Variants in DGKI observed in about 807,000 individuals in gnomAD.
DGKI encodes diacylglycerol kinase iota, also known as DAG kinase iota.
In DGKI, 55 loss-of-function variants were observed where a neutral mutation model predicts 147.5. The ratio of observed to expected loss-of-function variants is 0.37; its 90% CI spans 0.30 to 0.47. DGKI has a LOEUF of 0.47. Among genes scored for constraint, DGKI ranks in the 20% least tolerant of loss-of-function variants. DGKI has a pLI of 1.00. For synonymous variants in DGKI, 469 were observed against 477.1 expected, an observed-to-expected ratio of 0.98 and a Z score of 0.22; for missense variants, 1,007 against 1,323.8, an observed-to-expected ratio of 0.76 and a Z score of 3.71.
At chr7:137,828,089 C>T (rs990355444) in intron 1 of DGKI, among the ~76,000 whole-genome samples, 1 of 152,222 alleles carries the variant, frequency 6.6e-6, no homozygotes, top group African/African-American at 2.4e-5. Context: ...AGCCTGTAGA[C>T]AGGTCAATGT....
At chr7:137,462,823 C>T (rs530651778) in intron 27 of DGKI, among the ~76,000 whole-genome samples, 1 of 152,250 alleles carries the variant, frequency 6.6e-6, no homozygotes, top group South Asian at 2.1e-4. Flanking sequence ...TATCTGTCAC[C>T]AGAGGAGATG....
intron 21 of DGKI, among the ~76,000 whole-genome samples, chr7:137,508,441 T>A (rs1264393432): frequency 6.6e-6 from 1 of 152,014 alleles, no homozygotes; most frequent in East Asian, 1.9e-4. Flanking sequence ...TTAGCCAGGA[T>A]GGTCTTGATC....
chr7:137,485,757 T>C (rs1328260567), intron 22 of DGKI, among the ~76,000 whole-genome samples: 1 of 152,108 alleles, frequency 6.6e-6, no homozygotes, highest in African/African-American at 2.4e-5. Context: ...ATATTTAATG[T>C]GCATATAAAC....
intron 3 of DGKI, among the ~76,000 whole-genome samples, chr7:137,663,509 T>C (rs1340084583): frequency 6.6e-6 from 1 of 152,250 alleles, no homozygotes; most frequent in East Asian, 1.9e-4. Context: ...TGAAAAGGCA[T>C]GGAGACCTGC....
rs148273334 is a variant in DGKI at position 137,462,759 on chromosome 7, A to G, written c.2735+730T>C. Among the ~76,000 whole-genome samples, 114 of 152,334 alleles carry G rather than the reference A, an allele frequency of 7.5e-4. 1 individual carries two copies. Among genetic ancestry groups the G allele is most frequent in the African/African-American group, 1.9e-3 (81 of 41,566 alleles). On this transcript the variant is annotated intron_variant, in intron 27 of 32. Transcript: ENST00000614521. ...TTTCATGAACACACTGGATTTGCATAACCTCTGAGATGGATTGATTGGCCT... is the reference window on the plus strand; with the variant it reads ...TTTCATGAACACACTGGATTTGCATGACCTCTGAGATGGATTGATTGGCCT...
chr7:137,735,803 C>T (rs941115399), intron 1 of DGKI, among the ~76,000 whole-genome samples: 2 of 152,062 alleles, frequency 1.3e-5, no homozygotes, highest in African/African-American at 4.8e-5. Flanking sequence ...GCAGACCCTA[C>T]CAAGACCCAG....
intron 32 of DGKI, among the ~76,000 whole-genome samples, chr7:137,392,377 G>C (rs571671809): frequency 1.3e-5 from 2 of 152,290 alleles, no homozygotes; most frequent in East Asian, 3.9e-4. Context: ...GAATGATAAA[G>C]TTTTAACTAT....
intron 6 of DGKI, among the ~76,000 whole-genome samples, chr7:137,632,071 A>C (rs1821140701): frequency 6.6e-6 from 1 of 152,230 alleles, no homozygotes; most frequent in Non-Finnish European, 1.5e-5. Flanking sequence ...TAAACCATCA[A>C]AACAAAGTGG....
At chr7:137,568,349 C>T (rs867912680) in intron 19 of DGKI, among the ~76,000 whole-genome samples, 15 of 152,328 alleles carry the variant, frequency 9.8e-5, no homozygotes, top group African/African-American at 2.9e-4. Flanking sequence ...AGTCACGTCA[C>T]GCATTGCCAA....
Position 137,415,018 on chromosome 7 carries a change from C to T in DGKI, c.2762-2811G>A, listed in dbSNP as rs75234766. Among the ~76,000 whole-genome samples the T allele has an allele frequency of 3.4e-4, 52 of 152,232 alleles. No individual in the cohort carries two copies. The East Asian group carries it at 9.3e-3, about 27-fold the overall frequency. Reference sequence around the variant, plus strand: ...ACTGCACATAAGTACATGAAAAAGACATATGGACCTTCAGAAGGAGCCTAC... The same window carrying T: ...ACTGCACATAAGTACATGAAAAAGATATATGGACCTTCAGAAGGAGCCTAC... On this transcript the variant is annotated intron_variant, in intron 28 of 32. Coordinates refer to ENST00000614521, the MANE Select transcript of DGKI (RefSeq NM_001321708.2).
intron 21 of DGKI, among the ~76,000 whole-genome samples, chr7:137,498,785 T>C (rs1241673617): frequency 1.3e-5 from 2 of 152,186 alleles, no homozygotes; most frequent in Non-Finnish European, 2.9e-5. Flanking sequence ...ATAAAATATA[T>C]TGACACTATA....
At chr7:137,681,995 C>A (rs1823254084) in intron 2 of DGKI, among the ~76,000 whole-genome samples, 1 of 152,234 alleles carries the variant, frequency 6.6e-6, no homozygotes, top group South Asian at 2.1e-4. Context: ...GGCTCTATGC[C>A]ATGTATATTA....
At chr7:137,629,686 C>A (rs561104696) in intron 6 of DGKI, among the ~76,000 whole-genome samples, 3 of 152,296 alleles carry the variant, frequency 2.0e-5, no homozygotes, top group Admixed American at 6.5e-5. Context: ...GTGTAGCCTT[C>A]AGTTTTTAAC....
intron 1 of DGKI, among the ~76,000 whole-genome samples, chr7:137,732,225 C>A (rs3800640): frequency 0.23 from 34,903 of 151,738 alleles, 7,572 homozygotes; most frequent in African/African-American, 0.56. Context: ...CCTTTCATAC[C>A]ACGGAGGCTT....
intron 3 of DGKI, among the ~76,000 whole-genome samples, chr7:137,668,124 G>T (rs566229726): frequency 6.6e-6 from 1 of 152,276 alleles, no homozygotes; most frequent in South Asian, 2.1e-4. Context: ...TTTGCTAGTG[G>T]TAACCTGGGG....
chr7:137,459,766 G>A (rs1814357728), intron 27 of DGKI, among the ~76,000 whole-genome samples: 1 of 152,058 alleles, frequency 6.6e-6, no homozygotes, highest in Non-Finnish European at 1.5e-5. Context: ...GAGCCACTGA[G>A]CCCGGCCAAA....
intron 1 of DGKI, among the ~76,000 whole-genome samples, chr7:137,742,496 C>T (rs1404149968): frequency 2.0e-5 from 3 of 152,068 alleles, no homozygotes; most frequent in Non-Finnish European, 4.4e-5. Flanking sequence ...CACAAGAATG[C>T]CCACAGTAGC....
At chr7:137,802,790 A>G (rs1371871981) in intron 1 of DGKI, among the ~76,000 whole-genome samples, 1 of 152,210 alleles carries the variant, frequency 6.6e-6, no homozygotes, top group Non-Finnish European at 1.5e-5. Flanking sequence ...TGAGTCAGAG[A>G]AAATCTAACA....
rs139538736 is a variant in DGKI at position 137,675,197 on chromosome 7, C to T, written c.606+3360G>A. Among the ~76,000 whole-genome samples, 920 of 152,200 alleles carry T rather than the reference C, an allele frequency of 6.0e-3. 8 individuals carry two copies. The highest frequency in any genetic ancestry group is 0.039 in the South Asian group (188 of 4,824). ...CTCTTGCCCAAAGCAGCTGAGAGTC[C>T]CCAACTACAGCATCCTTGAAACATG... On this transcript the variant is annotated intron_variant, in intron 3 of 32. Transcript: ENST00000614521.
Sources: allele counts gnomAD v4.1 joint callset (sites outside exome capture counted in the v4.1 genomes callset), GRCh38; gene constraint gnomAD v4.1.1; transcripts MANE v1.5; gene names NCBI Gene and HGNC (gene_info 2026-07-23, HGNC 2026-07-21).